ZNF804B: variants seen among roughly 807,000 people sequenced by gnomAD.
ZNF804B encodes zinc finger 804B.
Under a neutral mutation model 101.4 loss-of-function variants are expected in ZNF804B, and 80 were observed. The ratio of observed to expected loss-of-function variants is 0.79; its 90% confidence interval spans 0.66 to 0.95. The LOEUF (loss-of-function observed/expected upper bound fraction) is 0.95. Ranked by LOEUF, ZNF804B falls within the 40% of genes least tolerant of loss-of-function variation. The probability of loss-of-function intolerance (pLI) is 0.00; values close to 1 mark genes in which losing one functional copy is unlikely to be tolerated. For synonymous variants in ZNF804B, 622 were observed against 558.8 expected (o/e 1.11, Z -1.59); for missense variants, 1,673 against 1,561.9 (o/e 1.07, Z -1.20).
In ZNF804B at chr7:89,335,915, CT is replaced by C; in HGVS notation, c.2936del (p.Leu979CysfsTer39). On this transcript the variant is annotated frameshift_variant, in exon 4 of 4. Coordinates refer to ENST00000333190, the MANE Select transcript of ZNF804B (RefSeq NM_181646.5). LOFTEE classifies it high-confidence loss of function. ...TCAGGCTGTAACAGACAAGCATTGC[CT>C]TTGTCTGAAAAAATACAGTATGCAA... ...APSGCNRQALPLSEKIQYASE... is the reference protein window; with the variant it reads ...APSGCNRQALXLSEKIQYASE... 6.2e-7 allele frequency: 1 copy of C among 1,614,038 alleles called. No individual in the cohort carries two copies. Among genetic ancestry groups the C allele is most frequent in the Non-Finnish European group, 8.5e-7 (1 of 1,179,972 alleles).
chr7:89,006,453 C>T (rs535318846), intron 1 of ZNF804B, among the ~76,000 whole-genome samples: 1 of 152,040 alleles, frequency 6.6e-6, no homozygotes, highest in African/African-American at 2.4e-5. Context: ...AGTCTTGAAA[C>T]CTCATTTATA....
intron 1 of ZNF804B, among the ~76,000 whole-genome samples, chr7:88,764,933 C>G: frequency 6.6e-6 from 1 of 152,100 alleles, no homozygotes; most frequent in Non-Finnish European, 1.5e-5. Flanking sequence ...TCTTATAATA[C>G]ATGTTCTCTT....
chr7:88,891,872 C>T (rs1194028989), intron 1 of ZNF804B, among the ~76,000 whole-genome samples: 1 of 151,952 alleles, frequency 6.6e-6, no homozygotes, highest in Non-Finnish European at 1.5e-5. Flanking sequence ...TATATGCTAT[C>T]CCTCCCCTAC....
At chr7:89,030,146 C>A (rs1205898957) in intron 1 of ZNF804B, among the ~76,000 whole-genome samples, 1 of 152,050 alleles carries the variant, frequency 6.6e-6, no homozygotes, top group Non-Finnish European at 1.5e-5. Context: ...AGCACAGGAG[C>A]TGAAGAAAGT....
At chr7:89,105,407 A>G (rs535129752) in intron 1 of ZNF804B, among the ~76,000 whole-genome samples, 1 of 152,170 alleles carries the variant, frequency 6.6e-6, no homozygotes, top group African/African-American at 2.4e-5. Flanking sequence ...TAGTAACTGA[A>G]CTAAAGCACA....
At chr7:89,150,427 G>C (rs868853577) in intron 1 of ZNF804B, among the ~76,000 whole-genome samples, 9 of 152,178 alleles carry the variant, frequency 5.9e-5, no homozygotes, top group African/African-American at 1.7e-4. Flanking sequence ...AGTGCACTTA[G>C]AGAGAAAAGC....
intron 1 of ZNF804B, among the ~76,000 whole-genome samples, chr7:89,070,135 C>T (rs910238387): frequency 6.6e-6 from 1 of 152,114 alleles, no homozygotes; most frequent in Non-Finnish European, 1.5e-5. Flanking sequence ...AGACTCTGTT[C>T]TGTGTTATGA....
At chr7:89,009,523 G>C (rs1011224965) in intron 1 of ZNF804B, among the ~76,000 whole-genome samples, 1 of 152,150 alleles carries the variant, frequency 6.6e-6, no homozygotes, top group Non-Finnish European at 1.5e-5. Flanking sequence ...GAATGTTTAT[G>C]TGTCCCCTCA....
At chr7:88,809,604 GT>G (rs1562799887) in intron 1 of ZNF804B, among the ~76,000 whole-genome samples, 1 of 152,146 alleles carries the variant, frequency 6.6e-6, no homozygotes, top group African/African-American at 2.4e-5. Flanking sequence ...GGTAAGTCAG[GT>G]TTTGAATTTG....
rs576180619 is a variant in ZNF804B at position 88,883,917 on chromosome 7, A to G, written c.108+123833A>G. Among the ~76,000 whole-genome samples the G allele has an allele frequency of 1.1e-3, 165 of 152,142 alleles. 2 individuals carry two copies. Among genetic ancestry groups the G allele is most frequent in the African/African-American group, 3.9e-3 (161 of 41,548 alleles). Reference sequence around the variant, plus strand: ...GCATCTTTTTATATATTTATTTTAGAAGACAATAACATTATAGGTTACAGA... The same window carrying G: ...GCATCTTTTTATATATTTATTTTAGGAGACAATAACATTATAGGTTACAGA... On this transcript the variant is annotated intron_variant, in intron 1 of 3. Coordinates refer to ENST00000333190, the MANE Select transcript of ZNF804B (RefSeq NM_181646.5).
intron 1 of ZNF804B, among the ~76,000 whole-genome samples, chr7:89,078,244 A>G (rs1206464208): frequency 1.3e-5 from 2 of 152,082 alleles, no homozygotes; most frequent in Non-Finnish European, 2.9e-5. Flanking sequence ...TATTGCATCA[A>G]TGACTTGAGC....
chr7:89,001,236 A>G (rs1788283218), intron 1 of ZNF804B, among the ~76,000 whole-genome samples: 1 of 150,854 alleles, frequency 6.6e-6, no homozygotes, highest in East Asian at 1.9e-4. Flanking sequence ...CATGGGAGAT[A>G]ATGCACATGC....
intron 1 of ZNF804B, among the ~76,000 whole-genome samples, chr7:89,195,763 C>T (rs1367436391): frequency 6.6e-6 from 1 of 151,700 alleles, no homozygotes; most frequent in African/African-American, 2.4e-5. Context: ...CTACAGTAGG[C>T]AAGCAGAGAG....
At chr7:88,794,657 T>C (rs1336465930) in intron 1 of ZNF804B, 3 of 1,613,830 alleles carry the variant, frequency 1.9e-6, no homozygotes, top group Non-Finnish European at 2.5e-6. Flanking sequence ...ATATGCAGAA[T>C]GGAAGTGGGA....
chr7:89,167,984 A>G (rs1791169326), intron 1 of ZNF804B, among the ~76,000 whole-genome samples: 2 of 152,146 alleles, frequency 1.3e-5, no homozygotes, highest in Admixed American at 6.5e-5. Flanking sequence ...ATCTATTTCA[A>G]CAGAAATAGT....
chr7:88,940,768 AAAT>A (rs71120045), intron 1 of ZNF804B, among the ~76,000 whole-genome samples: 20,803 of 139,360 alleles, frequency 0.15, 1,957 homozygotes, highest in East Asian at 0.27. Context: ...ACCCTATTTA[AAAT>A]AATAATAATA....
intron 1 of ZNF804B, among the ~76,000 whole-genome samples, chr7:88,909,397 A>G (rs1251528956): frequency 6.6e-6 from 1 of 151,802 alleles, no homozygotes; most frequent in Non-Finnish European, 1.5e-5. Context: ...CTGTGTTGCT[A>G]GAGTGTGTTT....
intron 1 of ZNF804B, among the ~76,000 whole-genome samples, chr7:88,862,034 C>G (rs958093922): frequency 1.4e-4 from 21 of 152,170 alleles, no homozygotes; most frequent in African/African-American, 4.6e-4. Flanking sequence ...CTAGCAACAT[C>G]ACTTCTATAG....
intron 1 of ZNF804B, among the ~76,000 whole-genome samples, chr7:89,171,225 G>A (rs1016140559): frequency 6.6e-6 from 1 of 152,056 alleles, no homozygotes; most frequent in Non-Finnish European, 1.5e-5. Flanking sequence ...GGGCATTTAT[G>A]TCTATTACCT....
Sources: gnomAD v4.1 joint callset for allele counts (sites outside exome capture counted in the v4.1 genomes callset) on GRCh38, gnomAD v4.1.1 for gene constraint, MANE v1.5 for transcripts, NCBI Gene and HGNC (gene_info 2026-07-23, HGNC 2026-07-21) for gene names.